LRRC19: variants seen among roughly 807,000 people sequenced by gnomAD.
LRRC19 encodes leucine rich repeat containing 19, also known as leucine-rich repeat-containing protein 19.
LRRC19 carries 33 observed loss-of-function variants against 33.3 expected under a neutral mutation model. That is an observed-to-expected ratio of 0.99 (90% confidence interval 0.75 to 1.33). The LOEUF is 1.33. LRRC19 is among the 40% of genes most tolerant of loss of function. The probability of loss-of-function intolerance (pLI) is 0.00; values close to 1 mark genes in which losing one functional copy is unlikely to be tolerated. For synonymous variants in LRRC19, 184 were observed against 152.3 expected (o/e 1.21, Z -1.53); for missense variants, 463 against 417.3 (o/e 1.11, Z -0.95).
rs994224405 is a variant in LRRC19, at chr9:26,993,724, A to T, written c.*1797T>A. 7.9e-5 allele frequency: 12 copies of T among 152,170 alleles called. No individual in the cohort carries two copies. Among genetic ancestry groups the T allele is most frequent in the Admixed American group, 2.0e-4 (3 of 15,260 alleles). The allele number at this position is 152,170 out of a possible 1,614,324, so 9.4% of individuals were successfully genotyped here. On this transcript the variant is annotated 3_prime_UTR_variant, in exon 5 of 5. Coordinates refer to ENST00000380055, the MANE Select transcript of LRRC19 (RefSeq NM_022901.3). Reference sequence around the variant, plus strand: ...TAGCATACTATACCATACACAACATACACAGAAGTAGCATATTATACCCTT... The same window carrying T: ...TAGCATACTATACCATACACAACATTCACAGAAGTAGCATATTATACCCTT...
rs1345436375 is a variant in LRRC19, at chr9:26,994,538, A to G, written c.*983T>C. 1 of 144,394 alleles carries G rather than the reference A, an allele frequency of 6.9e-6. No homozygotes were observed. The highest frequency in any genetic ancestry group is 2.6e-5 in the African/African-American group (1 of 38,090). The allele number at this position is 144,394 out of a possible 1,614,324, so 8.9% of individuals were successfully genotyped here. ...GGAGACAGTGCGAGACTTTGTCTCA[A>G]AAAAAAAAAAAAAAAAAAGAAAAAG... On this transcript the variant is annotated 3_prime_UTR_variant, in exon 5 of 5. Coordinates refer to ENST00000380055, the MANE Select transcript of LRRC19 (RefSeq NM_022901.3).
rs1296758310 is a variant in LRRC19, at chr9:26,993,250, C to G, written c.*2271G>C. 6.6e-6 allele frequency: 1 copy of G among 151,994 alleles called. No homozygotes were observed. Among genetic ancestry groups the G allele is most frequent in the Non-Finnish European group, 1.5e-5 (1 of 67,956 alleles). 9.4% of individuals were successfully genotyped at this position (151,994 alleles called of 1,614,324 possible). On this transcript the variant is annotated 3_prime_UTR_variant, in exon 5 of 5. Coordinates refer to ENST00000380055, the MANE Select transcript of LRRC19 (RefSeq NM_022901.3). The stretch of plus-strand genomic sequence containing the variant: ...TCATTTGCAATTATATTTCATTTTG[C>G]TACATTTCTCAAATATTAATATTTG...
rs1827976304 is a variant in LRRC19 at position 26,993,403 on chromosome 9, C to T, written c.*2118G>A. 6.6e-6 allele frequency: 1 copy of T among 152,288 alleles called. No individual in the cohort carries two copies. Among genetic ancestry groups the T allele is most frequent in the African/African-American group, 2.4e-5 (1 of 41,386 alleles). The allele number at this position is 152,288 out of a possible 1,614,324, so 9.4% of individuals were successfully genotyped here. A position where few individuals can be genotyped will look rare whatever the true frequency, so the allele number is the denominator to read the frequency against. ...AAAGTATAATTGATATATAAAGAAA[C>T]ATTAGCCATAATATACTTATATCCT... On this transcript the variant is annotated 3_prime_UTR_variant, in exon 5 of 5. Coordinates refer to ENST00000380055, the MANE Select transcript of LRRC19 (RefSeq NM_022901.3).
Position 26,998,255 on chromosome 9 carries a change from A to T in LRRC19, c.82-14T>A, listed in dbSNP as rs746886433. The T allele has an allele frequency of 1.5e-6, 2 of 1,379,138 alleles. No individual in the cohort carries two copies. The highest frequency in any genetic ancestry group is 1.5e-5 in the African/African-American group (1 of 68,128). The allele number at this position is 1,379,138 out of a possible 1,614,324, so 85.4% of individuals were successfully genotyped here. ...ACATTGGACTTCCTAGAAAAACAAA[A>T]AAAAGAAAGGCATTAATCAGAAAAA... On this transcript the variant is annotated splice_polypyrimidine_tract_variant and intron_variant, in intron 2 of 4. Transcript: ENST00000380055.
At position 26,999,686 on chromosome 9, in the gene LRRC19, G is replaced by T. The variant is rs765508332; in HGVS notation, c.9C>A (p.Val3=). MK[V]TGITILFWPL... is the part of the protein sequence containing the mutation. Reference sequence around the variant, plus strand: ...GCCAAAAGAGGATTGTGATGCCTGTGACTTTCATGTTGCAGACCTGATAGA... The same window carrying T: ...GCCAAAAGAGGATTGTGATGCCTGTTACTTTCATGTTGCAGACCTGATAGA... Residue 3 remains valine, a synonymous_variant, in exon 2 of 5, where the codon GTC becomes GTA. Transcript: ENST00000380055. 1 of 1,606,168 alleles carries T rather than the reference G, an allele frequency of 6.2e-7. No homozygotes were observed.
chr9:26,993,478 A>C lies in LRRC19; in HGVS notation c.*2043T>G, dbSNP rs573252351. On this transcript the variant is annotated 3_prime_UTR_variant, in exon 5 of 5. Coordinates refer to ENST00000380055, the MANE Select transcript of LRRC19 (RefSeq NM_022901.3). Reference sequence around the variant, plus strand: ...CACAAGCAAATATGTATTATAAATTAGTAAGTTCTTCTATTTTACAGGTAT... The same window carrying C: ...CACAAGCAAATATGTATTATAAATTCGTAAGTTCTTCTATTTTACAGGTAT... 12 of 152,698 alleles carry C rather than the reference A, an allele frequency of 7.9e-5. No homozygotes were observed. The highest frequency in any genetic ancestry group is 6.5e-4 in the Admixed American group (10 of 15,286). 9.5% of individuals were successfully genotyped at this position (152,698 alleles called of 1,614,324 possible).
At chr9:27,001,975 A>G (rs1034891767) in intron 1 of LRRC19, among the ~76,000 whole-genome samples, 1 of 151,044 alleles carries the variant, frequency 6.6e-6, no homozygotes, top group Non-Finnish European at 1.5e-5. Context: ...AAGAGGTTTA[A>G]TTGACTCAGT....
chr9:27,002,067 T>A (rs1296625161), intron 1 of LRRC19, among the ~76,000 whole-genome samples: 1 of 152,092 alleles, frequency 6.6e-6, no homozygotes, highest in East Asian at 1.9e-4. Context: ...GAAGCAGGCA[T>A]GTCTTACATG....
intron 2 of LRRC19, 113 bp from the exon 3 acceptor site, chr9:26,998,354 C>A (rs1438934555): frequency 1.2e-5 from 7 of 602,738 alleles, no homozygotes; most frequent in Admixed American, 3.7e-5. Flanking sequence ...GGGAAAAAAA[C>A]CTACTATCTA....
Position 26,995,277 on chromosome 9 carries a change from C to T in LRRC19, c.*244G>A, listed in dbSNP as rs1828081742. ...ACTAGTTCGTATGGTCACCCAAGCA[C>T]TGCTAAGAATAGTAGTGCTAGTATT... On this transcript the variant is annotated 3_prime_UTR_variant, in exon 5 of 5. Transcript: ENST00000380055. The T allele has an allele frequency of 3.0e-6, 1 of 334,670 alleles. No individual in the cohort carries two copies. The highest frequency in any genetic ancestry group is 5.5e-5 in the South Asian group (1 of 18,116). The allele number at this position is 334,670 out of a possible 1,614,324, so 20.7% of individuals were successfully genotyped here. A position where few individuals can be genotyped will look rare whatever the true frequency, so the allele number is the denominator to read the frequency against.
intron 1 of LRRC19, among the ~76,000 whole-genome samples, 180 bp downstream of exon 1, chr9:27,005,412 G>T (rs1355810353): frequency 2.6e-5 from 3 of 117,644 alleles, no homozygotes; most frequent in African/African-American, 3.4e-5. Context: ...ATTTAGGAAA[G>T]ACCCTTTGGC....
Position 26,993,751 on chromosome 9 carries a change from T to G in LRRC19, c.*1770A>C, listed in dbSNP as rs571408746. The G allele has an allele frequency of 1.3e-5, 2 of 152,330 alleles. No homozygotes were observed. The highest frequency in any genetic ancestry group is 4.8e-5 in the African/African-American group (2 of 41,584). 9.4% of individuals were successfully genotyped at this position (152,330 alleles called of 1,614,324 possible). On this transcript the variant is annotated 3_prime_UTR_variant, in exon 5 of 5. Transcript: ENST00000380055. ...ACAGAAGTAGCATATTATACCCTTA[T>G]TTAGCTCCCAGCTCCATCAGCTCAT...
At chr9:26,996,280 G>A (rs763178525) in intron 4 of LRRC19, 31 bp downstream of exon 4, 6 of 1,219,844 alleles carry the variant, frequency 4.9e-6, no homozygotes, top group Non-Finnish European at 6.8e-6. Context: ...GATACATTCA[G>A]CAGTGTTAAT....
chr9:27,000,762 CA>C (rs1436488323), intron 1 of LRRC19, among the ~76,000 whole-genome samples: 16 of 152,256 alleles, frequency 1.1e-4, no homozygotes, highest in African/African-American at 3.6e-4. Flanking sequence ...ATCTGTGCAG[CA>C]AACCACCGTG....
At chr9:26,996,007 T>G (rs544265864) in intron 4 of LRRC19, among the ~76,000 whole-genome samples, 158 bp from the exon 5 acceptor site, 1 of 152,316 alleles carries the variant, frequency 6.6e-6, no homozygotes, top group African/African-American at 2.4e-5. Flanking sequence ...TTCTCTTTGT[T>G]CAAAATAGCT....
intron 1 of LRRC19, 150 bp from the exon 2 acceptor site, chr9:26,999,853 C>A: frequency 1.8e-6 from 1 of 541,376 alleles, no homozygotes; most frequent in Non-Finnish European, 3.1e-6. Context: ...CTCACTGCAG[C>A]CTTGATCTCC....
intron 2 of LRRC19, among the ~76,000 whole-genome samples, chr9:26,999,002 G>GCAAT (rs895168444): frequency 6.6e-6 from 1 of 152,008 alleles, no homozygotes; most frequent in African/African-American, 2.4e-5. Flanking sequence ...TCAAAAGCAA[G>GCAAT]CAATCAATCA....
In LRRC19 at chr9:26,999,612, A is replaced by G. The variant is rs879510326; in HGVS notation, c.81+2T>C. On this transcript the variant is annotated splice_donor_variant, in intron 2 of 4. Coordinates refer to ENST00000380055, the MANE Select transcript of LRRC19 (RefSeq NM_022901.3). LOFTEE classifies it high-confidence loss of function. ...TTTACTATTTTGATTGTAAAAACTT[A>G]CTCTTTTAGAAGACTGGATTTTGTC... The G allele has an allele frequency of 2.5e-6, 4 of 1,577,170 alleles. No homozygotes were observed. The Admixed American group carries it at 5.4e-5, about 21-fold the overall frequency.
chr9:26,998,091 G>A lies in LRRC19; in HGVS notation c.232C>T (p.Leu78Phe). The change falls in exon 3 of 5, where the codon CTC (leucine) becomes TTC (phenylalanine). Residue 78 changes from leucine to phenylalanine, a missense_variant. Leu to Phe is a conservative substitution (Grantham distance 22, BLOSUM62 0). Transcript: ENST00000380055. The part of the protein sequence containing the change: ...VLQTYFLLTE[L>F]YLIENKVTIL... Reference sequence around the variant, plus strand: ...GTAACCTTGTTCTCAATCAAATAGAGCTCTGTGAGTAAAAAGTATGTCTGT... The same window carrying A: ...GTAACCTTGTTCTCAATCAAATAGAACTCTGTGAGTAAAAAGTATGTCTGT... 6.2e-7 allele frequency: 1 copy of A among 1,613,392 alleles called. No homozygotes were observed. The highest frequency in any genetic ancestry group is 1.7e-5 in the Admixed American group (1 of 59,986).
Sources: gnomAD v4.1 joint callset for allele counts (sites outside exome capture counted in the v4.1 genomes callset) on GRCh38, gnomAD v4.1.1 for gene constraint, MANE v1.5 for transcripts, NCBI Gene and HGNC (gene_info 2026-07-23, HGNC 2026-07-21) for gene names.